GARRE1: variants seen among roughly 807,000 people sequenced by gnomAD.
The protein encoded by GARRE1 is granule associated Rac and RHOG effector 1.
A neutral mutation model predicts 103.2 loss-of-function variants in GARRE1; 49 were observed. That is an observed-to-expected ratio of 0.47 (90% confidence interval 0.38 to 0.60). The LOEUF is 0.60. Ranked by LOEUF, GARRE1 falls within the 20% of genes least tolerant of loss-of-function variation. The pLI is 0.00. For missense variants in GARRE1, 1,199 were observed against 1,370.5 expected, an observed-to-expected ratio of 0.87 and a Z score of 1.98; for synonymous variants, 505 against 532.8, an observed-to-expected ratio of 0.95 and a Z score of 0.72.
intron 2 of GARRE1, among the ~76,000 whole-genome samples, chr19:34,311,479 G>T (rs1271480099): frequency 6.6e-6 from 1 of 152,108 alleles, no homozygotes; most frequent in Non-Finnish European, 1.5e-5. Flanking sequence ...CTAGAAATAG[G>T]AGCCTCGCAT....
chr19:34,331,134 C>T (rs1472322531), intron 7 of GARRE1, among the ~76,000 whole-genome samples: 2 of 151,660 alleles, frequency 1.3e-5, no homozygotes, highest in African/African-American at 2.4e-5. Flanking sequence ...CTCCTGACCT[C>T]GTGATCTGCC....
intron 1 of GARRE1, among the ~76,000 whole-genome samples, chr19:34,262,271 C>T (rs2073722869): frequency 7.4e-6 from 1 of 135,580 alleles, no homozygotes; most frequent in African/African-American, 2.6e-5. Flanking sequence ...GAGTGAGCCA[C>T]CATGCCCAGC....
intron 3 of GARRE1, among the ~76,000 whole-genome samples, chr19:34,320,954 G>T (rs1360784916): frequency 6.9e-6 from 1 of 144,228 alleles, no homozygotes; most frequent in African/African-American, 2.6e-5. Context: ...ATGTTGTCCA[G>T]GTTGGTCTTG....
At chr19:34,330,931 G>T (rs545535645) in intron 7 of GARRE1, among the ~76,000 whole-genome samples, 4 of 147,442 alleles carry the variant, frequency 2.7e-5, no homozygotes, top group Non-Finnish European at 6.0e-5. Context: ...ATGGAGTCTC[G>T]CTGTGTTGCA....
intron 1 of GARRE1, among the ~76,000 whole-genome samples, chr19:34,272,507 G>C (rs1480661774): frequency 1.3e-5 from 2 of 152,122 alleles, no homozygotes; most frequent in African/African-American, 4.8e-5. Context: ...GCCATGAAAG[G>C]GTAAAACTTG....
At position 34,262,287 on chromosome 19, in the gene GARRE1, CTTTTTTTTTTTTT is replaced by C. The variant is rs1018456778; in HGVS notation, c.-796+7689_-796+7701del. Among the ~76,000 whole-genome samples the C allele has an allele frequency of 5.2e-3, 186 of 35,764 alleles. 2 individuals are homozygous for C. The highest frequency in any genetic ancestry group is 0.045 in the Middle Eastern group (1 of 22). The allele number at this position is 35,764 out of a possible 152,430, so 23.5% of individuals were successfully genotyped here. ...AGTGAGCCACCATGCCCAGCTGCTG[CTTTTTTTTTTTTT>C]TTTTTTTTTTTTTTTGAGGCGGAGT... On this transcript the variant is annotated intron_variant, in intron 1 of 13. Coordinates refer to ENST00000299505, the MANE Select transcript of GARRE1 (RefSeq NM_014686.5).
chr19:34,330,420 C>T, intron 7 of GARRE1, 73 bp downstream of exon 7: 1 of 1,446,308 alleles, frequency 6.9e-7, no homozygotes, highest in Non-Finnish European at 9.6e-7. Context: ...GTGGTGCAGA[C>T]ACATGTGTGA....
intron 9 of GARRE1, 125 bp from the exon 10 acceptor site, chr19:34,341,297 G>A: frequency 2.7e-6 from 2 of 746,502 alleles, no homozygotes; most frequent in Non-Finnish European, 4.4e-6. Context: ...TATAAAATAA[G>A]TGAACCCGAT....
chr19:34,261,816 A>G (rs1483005967), intron 1 of GARRE1, among the ~76,000 whole-genome samples: 1 of 152,144 alleles, frequency 6.6e-6, no homozygotes, highest in Non-Finnish European at 1.5e-5. Flanking sequence ...CTAACTGGGC[A>G]CTAACAGCAC....
intron 9 of GARRE1, 136 bp downstream of exon 9, chr19:34,340,128 C>A: frequency 1.1e-6 from 1 of 874,292 alleles, no homozygotes; most frequent in Non-Finnish European, 1.8e-6. Flanking sequence ...CTTTTATTTT[C>A]AGAATAATTT....
chr19:34,345,325 G>T (rs1363774791), intron 10 of GARRE1, among the ~76,000 whole-genome samples: 1 of 152,184 alleles, frequency 6.6e-6, no homozygotes, highest in East Asian at 1.9e-4. Context: ...TTGGGTGGAT[G>T]GATGTAGGAA....
At chr19:34,324,495 C>A (rs1489627890) in intron 3 of GARRE1, among the ~76,000 whole-genome samples, 1 of 150,996 alleles carries the variant, frequency 6.6e-6, no homozygotes, top group East Asian at 1.9e-4. Flanking sequence ...AAAAATATCA[C>A]CAGTGCACTT....
intron 3 of GARRE1, among the ~76,000 whole-genome samples, chr19:34,325,019 A>G (rs1399778183): frequency 6.6e-6 from 1 of 152,190 alleles, no homozygotes; most frequent in Non-Finnish European, 1.5e-5. Flanking sequence ...GCCTTCTTCC[A>G]TGTTTTCAAA....
Position 34,353,142 on chromosome 19 carries a change from C to T in GARRE1, c.*187C>T, listed in dbSNP as rs978718303. On this transcript the variant is annotated 3_prime_UTR_variant, in exon 14 of 14. Coordinates refer to ENST00000299505, the MANE Select transcript of GARRE1 (RefSeq NM_014686.5). ...AAGCCTTTAAACCTGGCTTCTGAAA[C>T]GATGGCATCAGAGCCCTGGAGAGCC... The T allele has an allele frequency of 8.5e-6, 5 of 587,212 alleles. No individual in the cohort carries two copies. The highest frequency in any genetic ancestry group is 5.1e-5 in the South Asian group (2 of 39,114). 36.4% of individuals were successfully genotyped at this position (587,212 alleles called of 1,614,324 possible). A position where few individuals can be genotyped will look rare whatever the true frequency, so the allele number is the denominator to read the frequency against.
intron 1 of GARRE1, among the ~76,000 whole-genome samples, chr19:34,279,812 C>G (rs200928989): frequency 6.6e-6 from 1 of 151,150 alleles, no homozygotes. Context: ...GGTGAAACCC[C>G]GTCTCTACTA....
intron 8 of GARRE1, among the ~76,000 whole-genome samples, chr19:34,335,587 G>A (rs540981598): frequency 2.0e-5 from 3 of 152,266 alleles, no homozygotes; most frequent in South Asian, 4.1e-4. Context: ...GTGCAGTGGC[G>A]CAATCTCGGC....
At chr19:34,298,946 GA>G (rs2073962542) in intron 1 of GARRE1, among the ~76,000 whole-genome samples, 1 of 152,172 alleles carries the variant, frequency 6.6e-6, no homozygotes, top group Non-Finnish European at 1.5e-5. Context: ...CCCAAGGTGT[GA>G]AACTGGTATA....
intron 7 of GARRE1, among the ~76,000 whole-genome samples, chr19:34,330,923 G>A (rs2074134972): frequency 6.8e-6 from 1 of 148,106 alleles, no homozygotes; most frequent in African/African-American, 2.5e-5. Context: ...TTTTTGAGAT[G>A]GAGTCTCGCT....
chr19:34,303,616 T>C (rs1270663707), intron 2 of GARRE1, among the ~76,000 whole-genome samples: 1 of 152,198 alleles, frequency 6.6e-6, no homozygotes, highest in Admixed American at 6.5e-5. Flanking sequence ...ACATATTCTT[T>C]GTTTTTGTTT....
Sources: allele counts gnomAD v4.1 joint callset (sites outside exome capture counted in the v4.1 genomes callset), GRCh38; gene constraint gnomAD v4.1.1; transcripts MANE v1.5; gene names NCBI Gene and HGNC (gene_info 2026-07-23, HGNC 2026-07-21).